The following ADAMTS18 variants were observed in gnomAD, a reference collection of about 807,000 sequenced individuals.
The protein encoded by ADAMTS18 is ADAM metallopeptidase with thrombospondin type 1 motif 18, also known as A disintegrin and metalloproteinase with thrombospondin motifs 18.
Under a neutral mutation model 165.9 loss-of-function variants are expected in ADAMTS18, and 157 were observed. The observed-to-expected ratio is 0.95, with a 90% CI of 0.83 to 1.08. The LOEUF (loss-of-function observed/expected upper bound fraction) is 1.08, where lower values mean the gene tolerates loss of function less well. Among genes scored for constraint, ADAMTS18 ranks in the 50% least tolerant of loss-of-function variants. ADAMTS18 has a pLI of 0.00. For missense variants in ADAMTS18, 2,040 were observed against 1,534.0 expected, an observed-to-expected ratio of 1.33 and a Z score of -5.51; for synonymous variants, 782 against 578.2, an observed-to-expected ratio of 1.35 and a Z score of -5.06.
chr16:77,343,279 G>C (rs2056427279), intron 10 of ADAMTS18, among the ~76,000 whole-genome samples: 2 of 152,080 alleles, frequency 1.3e-5, no homozygotes, highest in Non-Finnish European at 2.9e-5. Flanking sequence ...TCACCACGTT[G>C]GCCAGGCTGG....
intron 3 of ADAMTS18, among the ~76,000 whole-genome samples, chr16:77,416,781 A>G (rs536626884): frequency 6.6e-6 from 1 of 152,278 alleles, no homozygotes; most frequent in East Asian, 1.9e-4. Flanking sequence ...TCTCACCACT[A>G]TGAGAAGAAT....
intron 3 of ADAMTS18, among the ~76,000 whole-genome samples, chr16:77,430,611 G>A (rs370015872): frequency 3.9e-5 from 6 of 152,230 alleles, no homozygotes; most frequent in East Asian, 1.9e-4. Flanking sequence ...AACATTTACC[G>A]CCTCGTATAT....
At chr16:77,359,738 A>G (rs1423307018) in intron 7 of ADAMTS18, among the ~76,000 whole-genome samples, 1 of 152,160 alleles carries the variant, frequency 6.6e-6, no homozygotes, top group Admixed American at 6.5e-5. Flanking sequence ...GAATATTTAT[A>G]TGCCTTGTCT....
intron 10 of ADAMTS18, among the ~76,000 whole-genome samples, chr16:77,344,058 CA>C (rs1024445327): frequency 1.5e-3 from 206 of 134,990 alleles, no homozygotes; most frequent in Middle Eastern, 3.7e-3. Context: ...CACAAACACT[CA>C]AAAAAAAAAG....
intron 11 of ADAMTS18, among the ~76,000 whole-genome samples, chr16:77,336,819 C>A (rs1001153053): frequency 1.3e-5 from 2 of 152,158 alleles, no homozygotes; most frequent in Non-Finnish European, 2.9e-5. Context: ...ATCCCCAACC[C>A]CTGCAGTGCT....
chr16:77,301,521 C>G (rs1300518258), intron 16 of ADAMTS18, among the ~76,000 whole-genome samples: 1 of 152,192 alleles, frequency 6.6e-6, no homozygotes, highest in African/African-American at 2.4e-5. Context: ...CTCCATGAAT[C>G]TTGTGGAAAA....
At chr16:77,394,839 G>A (rs924833013) in intron 3 of ADAMTS18, among the ~76,000 whole-genome samples, 13 of 152,124 alleles carry the variant, frequency 8.5e-5, no homozygotes, top group Non-Finnish European at 1.8e-4. Flanking sequence ...TTTAGCATCC[G>A]TGTTTTTACA....
chr16:77,366,455 G>A (rs2056795553), intron 4 of ADAMTS18, among the ~76,000 whole-genome samples: 1 of 152,218 alleles, frequency 6.6e-6, no homozygotes, highest in South Asian at 2.1e-4. Context: ...CTAGTAGGGA[G>A]TCTGAGGCAG....
chr16:77,339,270 G>A (rs1434665275), intron 11 of ADAMTS18, among the ~76,000 whole-genome samples: 1 of 152,078 alleles, frequency 6.6e-6, no homozygotes, highest in Non-Finnish European at 1.5e-5. Context: ...GAGTGATGAT[G>A]GATGGAACTT....
rs772354689 is a variant in ADAMTS18, at chr16:77,308,838, A to G, written c.2533-8434T>C. 3.3e-5 allele frequency among the ~76,000 whole-genome samples: 5 copies of G among 152,192 alleles called. No individual in the cohort carries two copies. The East Asian group carries it at 7.7e-4, about 23-fold the overall frequency. On this transcript the variant is annotated intron_variant, in intron 16 of 22. Coordinates refer to ENST00000282849, the MANE Select transcript of ADAMTS18 (RefSeq NM_199355.4). ...TTCACTCTGATCTTCAGTTTTCACA[A>G]TTCAATCACTTGAAAATTTAATTTC...
chr16:77,411,902 T>C (rs1332829569), intron 3 of ADAMTS18, among the ~76,000 whole-genome samples: 3 of 151,900 alleles, frequency 2.0e-5, no homozygotes, highest in Non-Finnish European at 4.4e-5. Context: ...TTGGCCAGGA[T>C]GGTCTTGAAC....
Position 77,408,978 on chromosome 16 carries a change from TTTA to T in ADAMTS18, c.495+22314_495+22316del, listed in dbSNP as rs573432110. Reference sequence around the variant, plus strand: ...ACAGTATATGTTACACTTGTTCTATTTTATTATTATTGATAATCTCTTACTGTG... The same window carrying T: ...ACAGTATATGTTACACTTGTTCTATTTTATTATTGATAATCTCTTACTGTG... On this transcript the variant is annotated intron_variant, in intron 3 of 22. Coordinates refer to ENST00000282849, the MANE Select transcript of ADAMTS18 (RefSeq NM_199355.4). Among the ~76,000 whole-genome samples, 39 of 152,118 alleles carry T rather than the reference TTTA, an allele frequency of 2.6e-4. No homozygotes were observed. The East Asian group carries it at 7.3e-3, about 29-fold the overall frequency.
chr16:77,413,335 G>T (rs915821229), intron 3 of ADAMTS18, among the ~76,000 whole-genome samples: 2 of 152,148 alleles, frequency 1.3e-5, no homozygotes, highest in Non-Finnish European at 2.9e-5. Flanking sequence ...TCCAGCTATG[G>T]AAGAAACCAC....
chr16:77,383,076 C>T (rs928059397), intron 3 of ADAMTS18, among the ~76,000 whole-genome samples: 2 of 152,164 alleles, frequency 1.3e-5, no homozygotes, highest in African/African-American at 4.8e-5. Context: ...TTGCGATGAA[C>T]AACTAATCTC....
chr16:77,290,972 G>A (rs901611858), intron 21 of ADAMTS18: 1 of 459,580 alleles, frequency 2.2e-6, no homozygotes. Context: ...CAACAGCAAT[G>A]ACCAACATTA....
chr16:77,385,129 G>A (rs895848811), intron 3 of ADAMTS18, among the ~76,000 whole-genome samples: 6 of 151,996 alleles, frequency 3.9e-5, no homozygotes, highest in South Asian at 2.1e-4. Flanking sequence ...GGCTGGTCTC[G>A]AACTCCTGAA....
intron 12 of ADAMTS18, among the ~76,000 whole-genome samples, chr16:77,333,844 A>G (rs1316901473): frequency 7.0e-6 from 1 of 143,492 alleles, no homozygotes; most frequent in Non-Finnish European, 1.5e-5. Context: ...TTAATAGTAT[A>G]ATATAGTATA....
chr16:77,324,992 T>C (rs188444240), intron 13 of ADAMTS18, among the ~76,000 whole-genome samples: 14 of 152,336 alleles, frequency 9.2e-5, no homozygotes, highest in Admixed American at 2.0e-4. Context: ...CACAATCCTC[T>C]CTTTCGATTT....
intron 2 of ADAMTS18, 113 bp from the exon 3 acceptor site, chr16:77,431,724 T>C (rs1854790027): frequency 9.1e-7 from 1 of 1,104,144 alleles, no homozygotes; most frequent in Non-Finnish European, 1.4e-6. Flanking sequence ...TTGTTCCTAT[T>C]GCCTTGCACC....
Sources: allele counts gnomAD v4.1 joint callset (sites outside exome capture counted in the v4.1 genomes callset), GRCh38; gene constraint gnomAD v4.1.1; transcripts MANE v1.5; gene names NCBI Gene and HGNC (gene_info 2026-07-23, HGNC 2026-07-21).